The following FGD6 variants were observed in gnomAD, a reference collection of about 807,000 sequenced individuals.
FGD6 encodes the protein FYVE, RhoGEF and PH domain-containing protein 6.
A neutral mutation model predicts 149.4 loss-of-function variants in FGD6; 90 were observed. The ratio of observed to expected loss-of-function variants is 0.60; its 90% CI spans 0.51 to 0.72. The LOEUF (loss-of-function observed/expected upper bound fraction) is 0.72. Among genes scored for constraint, FGD6 ranks in the 30% least tolerant of loss-of-function variants. The pLI is 0.00. For missense variants in FGD6, 1,437 were observed against 1,684.8 expected (o/e 0.85, Z 2.57); for synonymous variants, 527 against 584.0 (o/e 0.90, Z 1.41).
intron 3 of FGD6, among the ~76,000 whole-genome samples, chr12:95,157,239 T>C (rs1042756642): frequency 2.6e-5 from 4 of 152,242 alleles, no homozygotes; most frequent in South Asian, 2.1e-4. Flanking sequence ...ATAATTTATA[T>C]GCAATACCAA....
At chr12:95,098,932 C>T (rs1878330217) in intron 14 of FGD6, among the ~76,000 whole-genome samples, 2 of 140,348 alleles carry the variant, frequency 1.4e-5, no homozygotes, top group South Asian at 2.2e-4. Flanking sequence ...TGTAGTGGTG[C>T]GATCTCGGCT....
rs559899963 is a variant in FGD6 at position 95,208,863 on chromosome 12, T to A, written c.2421A>T (p.Gly807=). Residue 807 remains glycine, a synonymous_variant, in exon 2 of 21, where the codon GGA becomes GGT. Transcript: ENST00000343958. ...YEAPDGQLQL[G]PRHQHSSSGA... is the part of the protein sequence containing the mutation. ...GTTACCTGGAATGCTGATGTCTGGG[T>A]CCAAGCTGCAGCTGGCCATCTGGAG... is the stretch of plus-strand genomic sequence containing the variant. 5 of 1,613,264 alleles carry A rather than the reference T, an allele frequency of 3.1e-6. No homozygotes were observed. The East Asian group carries it at 8.9e-5, about 29-fold the overall frequency.
rs756009691 is a variant in FGD6, at chr12:95,084,578, G to A, written c.4176C>T (p.Ser1392=). Residue 1392 remains serine, a synonymous_variant, in exon 20 of 21, where the codon TCC becomes TCT. Transcript: ENST00000343958. ...FTVIQVKDEN[S]ESKVFQLLHK... ...GCAGTAACTGAAATACTTTAGACTC[G>A]GAATTCTCATCTTTAACTTGAATAA... 1.3e-5 allele frequency: 21 copies of A among 1,607,556 alleles called. No homozygotes were observed. The highest frequency in any genetic ancestry group is 8.5e-5 in the Admixed American group (5 of 58,920).
chr12:95,199,812 C>A (rs943637890), intron 2 of FGD6, among the ~76,000 whole-genome samples: 3 of 152,040 alleles, frequency 2.0e-5, no homozygotes, highest in African/African-American at 7.2e-5. Flanking sequence ...ACCACATTGG[C>A]CAGGCTAGTC....
rs1027032396 is a variant in FGD6, at chr12:95,217,444, G to A, written c.-204C>T. 43 of 743,442 alleles carry A rather than the reference G, an allele frequency of 5.8e-5. No homozygotes were observed. Among genetic ancestry groups the A allele is most frequent in the East Asian group, 1.0e-4 (3 of 29,210 alleles). 46.1% of individuals were successfully genotyped at this position (743,442 alleles called of 1,614,324 possible). A position where few individuals can be genotyped will look rare whatever the true frequency, so the allele number is the denominator to read the frequency against. ...GCGGCGCTCCCGGGCGCGAGCCGCC[G>A]GGGTCGGGCGGGCGAGCACTAGCAC... On this transcript the variant is annotated 5_prime_UTR_variant, in exon 1 of 21. Coordinates refer to ENST00000343958, the MANE Select transcript of FGD6 (RefSeq NM_018351.4).
chr12:95,186,991 C>T (rs972802323), intron 2 of FGD6, among the ~76,000 whole-genome samples: 1 of 152,160 alleles, frequency 6.6e-6, no homozygotes, highest in Admixed American at 6.5e-5. Context: ...CTCGTTTGCT[C>T]ACTCACTGTT....
chr12:95,141,273 CAAT>C, intron 6 of FGD6, 112 bp downstream of exon 6: 1 of 1,097,562 alleles, frequency 9.1e-7, no homozygotes, highest in Non-Finnish European at 1.3e-6. Context: ...ACTGCAAAGA[CAAT>C]ATATTCAAAC....
chr12:95,167,714 AC>A (rs1179545994), intron 3 of FGD6, among the ~76,000 whole-genome samples: 1 of 151,658 alleles, frequency 6.6e-6, no homozygotes, highest in African/African-American at 2.4e-5. Context: ...AGCTAGGATT[AC>A]AGGCATGCAC....
chr12:95,099,350 C>T (rs1878345528), intron 14 of FGD6, among the ~76,000 whole-genome samples: 1 of 152,098 alleles, frequency 6.6e-6, no homozygotes, highest in Admixed American at 6.6e-5. Flanking sequence ...CACGCAGATC[C>T]GTGCTGATGG....
chr12:95,116,748 C>G (rs758144676), intron 8 of FGD6: 1 of 413,692 alleles, frequency 2.4e-6, no homozygotes, highest in Non-Finnish European at 4.9e-6. Flanking sequence ...TCCAACTTAT[C>G]CATCCATCCA....
At chr12:95,100,246 C>A (rs1878380333) in intron 14 of FGD6, among the ~76,000 whole-genome samples, 1 of 152,216 alleles carries the variant, frequency 6.6e-6, no homozygotes, top group African/African-American at 2.4e-5. Context: ...TGCACACCCC[C>A]AGCTCCTGGA....
At chr12:95,084,172 TAG>T (rs1352860732) in intron 20 of FGD6, among the ~76,000 whole-genome samples, 1 of 152,206 alleles carries the variant, frequency 6.6e-6, no homozygotes, top group Non-Finnish European at 1.5e-5. Context: ...CTTACCCTCA[TAG>T]AAGGAGAGGT....
intron 3 of FGD6, among the ~76,000 whole-genome samples, chr12:95,162,188 G>T (rs1242339772): frequency 2.0e-5 from 3 of 151,518 alleles, no homozygotes; most frequent in African/African-American, 7.3e-5. Flanking sequence ...GATCACATGA[G>T]CCCAGGAGTT....
rs150337013 is a variant in FGD6 at position 95,157,654 on chromosome 12, T to C, written c.2587-4661A>G. 1.9e-3 allele frequency among the ~76,000 whole-genome samples: 282 copies of C among 152,268 alleles called. 2 individuals are homozygous for C. Among genetic ancestry groups the C allele is most frequent in the African/African-American group, 6.6e-3 (273 of 41,556 alleles). ...AACCAACTACTTGTGAAAATAATCT[T>C]TAAATGGATTACTAATTCAGAGTCC... On this transcript the variant is annotated intron_variant, in intron 3 of 20. Transcript: ENST00000343958.
At chr12:95,099,225 C>T (rs898487958) in intron 14 of FGD6, among the ~76,000 whole-genome samples, 4 of 152,142 alleles carry the variant, frequency 2.6e-5, no homozygotes, top group African/African-American at 9.7e-5. Flanking sequence ...CAGCACAATG[C>T]CTGGCCCAAG....
intron 9 of FGD6, among the ~76,000 whole-genome samples, chr12:95,110,905 C>T (rs1002544943): frequency 6.6e-6 from 1 of 152,156 alleles, no homozygotes; most frequent in African/African-American, 2.4e-5. Context: ...TGCCTCTATT[C>T]CTTTAACTCT....
rs1272755799 is a variant in FGD6 at position 95,134,782 on chromosome 12, G to A, written c.3039C>T (p.Leu1013=). ...ACTGGGGGATCCTCTGAACCGGCTT[G>A]AGCAGGTAGTGCTTGAGGGCCAGAT... ...CANLALKHYL[L]KPVQRIPQYR... Residue 1013 remains leucine, a synonymous_variant, in exon 8 of 21, where the codon CTC becomes CTT. Transcript: ENST00000343958. 9.9e-6 allele frequency: 16 copies of A among 1,613,766 alleles called. No individual in the cohort carries two copies. Among genetic ancestry groups the A allele is most frequent in the Non-Finnish European group, 1.3e-5 (15 of 1,179,938 alleles).
At chr12:95,166,543 T>TA (rs546293623) in intron 3 of FGD6, among the ~76,000 whole-genome samples, 217 of 147,368 alleles carry the variant, frequency 1.5e-3, no homozygotes, top group African/African-American at 4.6e-3. Flanking sequence ...ACCATGTCTT[T>TA]AAAAAAAAAA....
At chr12:95,181,994 CAA>C (rs1406116421) in intron 2 of FGD6, among the ~76,000 whole-genome samples, 1 of 151,048 alleles carries the variant, frequency 6.6e-6, no homozygotes, top group African/African-American at 2.4e-5. Flanking sequence ...ATCATTGCAC[CAA>C]AGATGATGTT....
Sources: gnomAD v4.1 joint callset for allele counts (sites outside exome capture counted in the v4.1 genomes callset) on GRCh38, gnomAD v4.1.1 for gene constraint, MANE v1.5 for transcripts, NCBI Gene and HGNC (gene_info 2026-07-23, HGNC 2026-07-21) for gene names.